RCBTB2: variants seen among roughly 807,000 people sequenced by gnomAD.
RCBTB2 encodes the protein RCC1 and BTB domain containing protein 2.
A neutral mutation model predicts 65.4 loss-of-function variants in RCBTB2; 55 were observed. The observed-to-expected ratio is 0.84, with a 90% confidence interval of 0.68 to 1.05. RCBTB2 has a LOEUF of 1.05. RCBTB2 is among the 50% of genes least tolerant of loss of function. RCBTB2 has a pLI of 0.00. For missense variants in RCBTB2, 599 were observed against 680.1 expected (o/e 0.88, Z 1.33); for synonymous variants, 220 against 255.2 (o/e 0.86, Z 1.31).
At chr13:48,528,988 A>C (rs960429002) in intron 1 of RCBTB2, among the ~76,000 whole-genome samples, 2 of 152,192 alleles carry the variant, frequency 1.3e-5, no homozygotes, top group Non-Finnish European at 2.9e-5. Flanking sequence ...TTTTTTAAAA[A>C]GTTTTCCAAA....
At chr13:48,508,727 T>C (rs983486027) in intron 10 of RCBTB2, among the ~76,000 whole-genome samples, 2 of 152,182 alleles carry the variant, frequency 1.3e-5, no homozygotes, top group Non-Finnish European at 2.9e-5. Flanking sequence ...CAAATTATAA[T>C]TCAAAAATAA....
intron 14 of RCBTB2, among the ~76,000 whole-genome samples, chr13:48,493,340 CTT>C (rs1949823684): frequency 8.1e-6 from 1 of 123,648 alleles, no homozygotes; most frequent in African/African-American, 3.2e-5. Context: ...CTCTCTCTCT[CTT>C]CTCTTCTCTC....
chr13:48,501,417 A>G (rs999096866), intron 12 of RCBTB2, among the ~76,000 whole-genome samples: 3 of 152,140 alleles, frequency 2.0e-5, no homozygotes, highest in Admixed American at 6.5e-5. Context: ...CCAGGCAGAA[A>G]CGGTAACTGA....
chr13:48,513,809 C>T (rs948130162), intron 6 of RCBTB2, among the ~76,000 whole-genome samples: 14 of 152,160 alleles, frequency 9.2e-5, no homozygotes, highest in Non-Finnish European at 1.8e-4. Context: ...TCTGTTGTTT[C>T]TTCTGGTTCC....
chr13:48,511,277 A>G (rs1211061545), intron 9 of RCBTB2, among the ~76,000 whole-genome samples: 2 of 152,122 alleles, frequency 1.3e-5, no homozygotes, highest in African/African-American at 4.8e-5. Context: ...GCAGTTTTCC[A>G]TGTCATTAAA....
At chr13:48,512,681 A>G in intron 7 of RCBTB2, 48 bp downstream of exon 7, 1 of 1,502,212 alleles carries the variant, frequency 6.7e-7, no homozygotes. Flanking sequence ...AGAAGTCTAC[A>G]TAATCTTATT....
chr13:48,510,492 T>C lies in RCBTB2; in HGVS notation c.926+137A>G. The C allele has an allele frequency of 1.2e-5, 13 of 1,089,032 alleles. No individual in the cohort carries two copies. In the South Asian group the frequency reaches 2.4e-4, roughly 20 times the overall value. The allele number at this position is 1,089,032 out of a possible 1,614,324, so 67.5% of individuals were successfully genotyped here. A position where few individuals can be genotyped will look rare whatever the true frequency, so the allele number is the denominator to read the frequency against. On this transcript the variant is annotated intron_variant, in intron 10 of 14. Transcript: ENST00000344532. ...CCCCAACAATTCCAAAGCCAATTTT[T>C]CTAAAGGAATAAATACTCTTGTTAA...
chr13:48,524,634 G>A (rs920619502), intron 2 of RCBTB2, 25 bp downstream of exon 2: 44 of 152,286 alleles, frequency 2.9e-4, no homozygotes, highest in African/African-American at 1.0e-3. Flanking sequence ...CTGGCTGGGA[G>A]CATTCCCTCC....
At chr13:48,494,414 G>A (rs1277733150) in intron 14 of RCBTB2, among the ~76,000 whole-genome samples, 1 of 152,122 alleles carries the variant, frequency 6.6e-6, no homozygotes, top group Non-Finnish European at 1.5e-5. Flanking sequence ...TAGCTGGACA[G>A]GCTGTAGTAC....
intron 6 of RCBTB2, among the ~76,000 whole-genome samples, chr13:48,513,560 C>T (rs1283818222): frequency 6.6e-6 from 1 of 152,142 alleles, no homozygotes; most frequent in Non-Finnish European, 1.5e-5. Context: ...ATAGTGACTT[C>T]TCATTTATCT....
Position 48,511,797 on chromosome 13 carries a change from T to C in RCBTB2, c.756A>G (p.Ala252=). The part of the protein sequence containing the change: ...SGNQPTPCRV[A]ALQGIRVQRV... ...TCTGGACACGGATGCCTTGCAAAGC[T>C]GCCACTCTGCAAGGGGTTGGCTGGT... The change falls in exon 9 of 15, where the codon GCA becomes GCG. Residue 252 remains alanine (A), a synonymous_variant. Coordinates refer to ENST00000344532, the MANE Select transcript of RCBTB2 (RefSeq NM_001268.4). 1 of 1,614,182 alleles carries C rather than the reference T, an allele frequency of 6.2e-7. No individual in the cohort carries two copies. The highest frequency in any genetic ancestry group is 8.5e-7 in the Non-Finnish European group (1 of 1,180,022).
chr13:48,496,066 A>T, intron 14 of RCBTB2, 125 bp downstream of exon 14: 1 of 888,244 alleles, frequency 1.1e-6, no homozygotes, highest in Non-Finnish European at 1.5e-6. Flanking sequence ...TACTCTTGTT[A>T]CTTCATTTTT....
intron 6 of RCBTB2, among the ~76,000 whole-genome samples, chr13:48,514,906 T>A (rs1367346260): frequency 2.0e-5 from 3 of 152,190 alleles, no homozygotes; most frequent in African/African-American, 7.2e-5. Context: ...ACACAAGGTT[T>A]AGTCTTTCAA....
chr13:48,532,512 A>T (rs1249153633), intron 1 of RCBTB2: 1 of 158,266 alleles, frequency 6.3e-6, no homozygotes, highest in African/African-American at 2.4e-5. Flanking sequence ...TATGCAGTGC[A>T]GCGAGTGGGT....
At chr13:48,514,162 A>ATT (rs1950956854) in intron 6 of RCBTB2, among the ~76,000 whole-genome samples, 4 of 152,224 alleles carry the variant, frequency 2.6e-5, no homozygotes, top group Non-Finnish European at 4.4e-5. Context: ...CTACTCTTGC[A>ATT]CTTTGGGGCC....
At position 48,502,848 on chromosome 13, in the gene RCBTB2, C is replaced by T. The variant is rs1402342394; in HGVS notation, c.993G>A (p.Val331=). 6.2e-7 allele frequency: 1 copy of T among 1,614,214 alleles called. No homozygotes were observed. ...TSAAKTQGGH[V]YMWGQCRGQS... ...GACCCCGGCACTGGCCCCACATGTA[C>T]ACGTGCCCACCCTGCGTCTTGGCCG... The change falls in exon 11 of 15, where the codon GTG becomes GTA. Residue 331 remains valine, a synonymous_variant. Coordinates refer to ENST00000344532, the MANE Select transcript of RCBTB2 (RefSeq NM_001268.4).
chr13:48,521,885 AT>A lies in RCBTB2; in HGVS notation c.42+12del. The A allele has an allele frequency of 1.2e-6, 2 of 1,613,072 alleles. No individual in the cohort carries two copies. On this transcript the variant is annotated intron_variant, in intron 4 of 14. Transcript: ENST00000344532. ...AGAACACACATGCTCCAAGGGCATG[AT>A]TTTTTTCTAACCTTGCCACTGTCTC...
chr13:48,515,676 A>C lies in RCBTB2; in HGVS notation c.108T>G (p.Leu36=). Residue 36 remains leucine (L), a synonymous_variant, in exon 5 of 15, where the codon CTT becomes CTG. Transcript: ENST00000344532. The part of the protein sequence containing the change: ...LDVGKWPIFS[L]CSEEELQLIR... The stretch of plus-strand genomic sequence containing the variant: ...TTAACTGTAGTTCTTCTTCAGAACA[A>C]AGGGAAAAAATTGGCCACTTTCCCA... 1 of 1,614,208 alleles carries C rather than the reference A, an allele frequency of 6.2e-7. No homozygotes were observed. The highest frequency in any genetic ancestry group is 2.2e-5 in the East Asian group (1 of 44,888).
At position 48,501,752 on chromosome 13, in the gene RCBTB2, G is replaced by T. The variant is rs778901959; in HGVS notation, c.1234C>A (p.Leu412Ile). 6.2e-7 allele frequency: 1 copy of T among 1,610,660 alleles called. No individual in the cohort carries two copies. The highest frequency in any genetic ancestry group is 1.1e-5 in the South Asian group (1 of 90,586). Residue 412 changes from leucine (L) to isoleucine (I), a missense_variant, in exon 12 of 15, where the codon CTC becomes ATC. Leu to Ile is a conservative substitution (Grantham distance 5). Transcript: ENST00000344532. Reference sequence around the variant, plus strand: ...TAAATGATTCCTTACCGAATCTTGAGAAGGACTTTATGTGCATAAATGTAC... The same window carrying T: ...TAAATGATTCCTTACCGAATCTTGATAAGGACTTTATGTGCATAAATGTAC... ...GKYIYAHKVL[L>I]KIRCEHFRSS...
Sources: gnomAD v4.1 joint callset for allele counts (sites outside exome capture counted in the v4.1 genomes callset) on GRCh38, gnomAD v4.1.1 for gene constraint, MANE v1.5 for transcripts, NCBI Gene and HGNC (gene_info 2026-07-23, HGNC 2026-07-21) for gene names.